PARVA: variants seen among roughly 807,000 people sequenced by gnomAD.
PARVA encodes parvin alpha.
In PARVA, 25 loss-of-function variants were observed where a neutral mutation model predicts 52.6. The observed-to-expected ratio is 0.48, with a 90% CI of 0.35 to 0.66. The LOEUF (loss-of-function observed/expected upper bound fraction) is 0.66. PARVA is among the 30% of genes least tolerant of loss of function. PARVA has a pLI of 0.01. For missense variants in PARVA, 373 were observed against 450.9 expected (o/e 0.83, Z 1.56); for synonymous variants, 185 against 179.1 (o/e 1.03, Z -0.26).
rs7107537 is a variant in PARVA at position 12,533,834 on chromosome 11, T to G, written c.*5909T>G. On this transcript the variant is annotated 3_prime_UTR_variant, in exon 13 of 13. Coordinates refer to ENST00000334956, the MANE Select transcript of PARVA (RefSeq NM_018222.5). Reference sequence around the variant, plus strand: ...GGAGGAGGAGGAGGAGGAGGAGGAGTAGGGGTTGGTCTTGCTGTCTGAGGG... The same window carrying G: ...GGAGGAGGAGGAGGAGGAGGAGGAGGAGGGGTTGGTCTTGCTGTCTGAGGG... Among the ~76,000 whole-genome samples, 111,671 of 148,112 alleles carry G rather than the reference T, an allele frequency of 0.75. 41,417 individuals are homozygous for G. Among genetic ancestry groups the G allele is most frequent in the Middle Eastern group, 0.87 (250 of 288 alleles).
intron 1 of PARVA, among the ~76,000 whole-genome samples, chr11:12,419,199 T>TGG (rs1940112311): frequency 6.6e-6 from 1 of 152,202 alleles, no homozygotes; most frequent in South Asian, 2.1e-4. Context: ...GCATTCACAC[T>TGG]GTTTTGTAAC....
chr11:12,384,510 TA>T (rs1939542556), intron 1 of PARVA, among the ~76,000 whole-genome samples: 1 of 152,080 alleles, frequency 6.6e-6, no homozygotes, highest in Non-Finnish European at 1.5e-5. Flanking sequence ...TGAGTGGTAG[TA>T]AGTGCTAGAG....
In PARVA at chr11:12,533,808, C is replaced by CTGA. The variant is rs56689985; in HGVS notation, c.*5883_*5884insTGA. ...CCTCATGGTCATCACATTGAGTAGG[C>CTGA]GGAGGAGGAGGAGGAGGAGGAGGAG... On this transcript the variant is annotated 3_prime_UTR_variant, in exon 13 of 13. Coordinates refer to ENST00000334956, the MANE Select transcript of PARVA (RefSeq NM_018222.5). Among the ~76,000 whole-genome samples the CTGA allele has an allele frequency of 0.18, 26,565 of 149,988 alleles. 3,464 individuals carry two copies. The highest frequency in any genetic ancestry group is 0.39 in the East Asian group (2,005 of 5,078).
intron 12 of PARVA, among the ~76,000 whole-genome samples, chr11:12,522,815 G>A (rs193274183): frequency 4.0e-5 from 6 of 151,220 alleles, no homozygotes; most frequent in African/African-American, 7.3e-5. Flanking sequence ...GACAGCTCAT[G>A]TAACAACATA....
At chr11:12,521,467 A>G (rs1311416420) in intron 12 of PARVA, among the ~76,000 whole-genome samples, 3 of 152,204 alleles carry the variant, frequency 2.0e-5, no homozygotes, top group South Asian at 2.1e-4. Context: ...GAAAGTAGAA[A>G]ACAGTTTGTT....
At chr11:12,428,246 A>C (rs1314928576) in intron 1 of PARVA, among the ~76,000 whole-genome samples, 1 of 152,200 alleles carries the variant, frequency 6.6e-6, no homozygotes, top group Non-Finnish European at 1.5e-5. Context: ...GTCTTAGGAA[A>C]GTAATATGGT....
chr11:12,450,610 T>C (rs1368632493), intron 1 of PARVA, among the ~76,000 whole-genome samples: 1 of 152,144 alleles, frequency 6.6e-6, no homozygotes, highest in Admixed American at 6.5e-5. Flanking sequence ...TGACTCACAC[T>C]CTCACAAGGT....
intron 1 of PARVA, among the ~76,000 whole-genome samples, chr11:12,436,424 CT>C (rs1188143038): frequency 6.6e-6 from 1 of 152,156 alleles, no homozygotes; most frequent in Non-Finnish European, 1.5e-5. Flanking sequence ...CCATCAAGGT[CT>C]CAGTGGCCTT....
chr11:12,429,999 T>A (rs1313590520), intron 1 of PARVA, among the ~76,000 whole-genome samples: 6 of 152,222 alleles, frequency 3.9e-5, no homozygotes, highest in African/African-American at 1.4e-4. Context: ...ACAGACACTT[T>A]TAAATTTTAC....
intron 1 of PARVA, among the ~76,000 whole-genome samples, 200 bp downstream of exon 1, chr11:12,377,983 C>T (rs1319402289): frequency 6.7e-6 from 1 of 148,322 alleles, no homozygotes; most frequent in Non-Finnish European, 1.5e-5. Context: ...GCTCGCGGGC[C>T]ATCGAGGCCA....
At chr11:12,490,195 GAC>G (rs1197425881) in intron 4 of PARVA, among the ~76,000 whole-genome samples, 2 of 139,792 alleles carry the variant, frequency 1.4e-5, no homozygotes, top group African/African-American at 5.3e-5. Context: ...CAGCCTGGGT[GAC>G]AGAGTGAGAC....
chr11:12,515,972 G>A lies in PARVA; in HGVS notation c.868-1638G>A, dbSNP rs114717803. 1.1e-3 allele frequency among the ~76,000 whole-genome samples: 170 copies of A among 152,298 alleles called. 1 individual carries two copies. Among genetic ancestry groups the A allele is most frequent in the African/African-American group, 3.8e-3 (160 of 41,568 alleles). ...CCACCCCAGTCTCCTGAGCAGCTGG[G>A]ACTACAGGCATGCACCAACATACCC... On this transcript the variant is annotated intron_variant, in intron 10 of 12. Transcript: ENST00000334956.
intron 1 of PARVA, among the ~76,000 whole-genome samples, chr11:12,404,063 C>T (rs1278994232): frequency 6.6e-6 from 1 of 151,494 alleles, no homozygotes; most frequent in Non-Finnish European, 1.5e-5. Flanking sequence ...TAAACTCGCA[C>T]CCCAGGCAGC....
intron 1 of PARVA, among the ~76,000 whole-genome samples, chr11:12,467,549 A>G (rs1169095689): frequency 6.6e-6 from 1 of 152,158 alleles, no homozygotes; most frequent in Admixed American, 6.5e-5. Context: ...GTTCTTTCAG[A>G]TTGATTTTTC....
chr11:12,423,125 A>G (rs1048174458), intron 1 of PARVA, among the ~76,000 whole-genome samples: 1 of 151,386 alleles, frequency 6.6e-6, no homozygotes, highest in Non-Finnish European at 1.5e-5. Context: ...AAGTGCTGGG[A>G]TTACAGGCGT....
intron 1 of PARVA, among the ~76,000 whole-genome samples, chr11:12,470,978 G>A (rs892927443): frequency 1.3e-5 from 2 of 152,206 alleles, no homozygotes; most frequent in African/African-American, 4.8e-5. Context: ...GGGAGATGGT[G>A]AGAAGTGTTT....
intron 4 of PARVA, among the ~76,000 whole-genome samples, chr11:12,495,042 CTT>C (rs1162675476): frequency 2.0e-5 from 3 of 152,176 alleles, no homozygotes; most frequent in Admixed American, 1.3e-4. Flanking sequence ...AAGAAAATAA[CTT>C]GTCATTTTTT....
At chr11:12,504,476 G>A in intron 6 of PARVA, 47 bp downstream of exon 6, 3 of 1,216,386 alleles carry the variant, frequency 2.5e-6, no homozygotes, top group Non-Finnish European at 3.6e-6. Context: ...AAGAGTCGTG[G>A]AGGTCGAGTT....
At chr11:12,509,075 G>GTTT in intron 7 of PARVA, among the ~76,000 whole-genome samples, 1 of 122,786 alleles carries the variant, frequency 8.1e-6, no homozygotes, top group Non-Finnish European at 1.7e-5. Context: ...GTTTGGGGTG[G>GTTT]TTTTTTTTTT....
Sources: gnomAD v4.1 joint callset for allele counts (sites outside exome capture counted in the v4.1 genomes callset) on GRCh38, gnomAD v4.1.1 for gene constraint, MANE v1.5 for transcripts, NCBI Gene and HGNC (gene_info 2026-07-23, HGNC 2026-07-21) for gene names.